TEX14: variants seen among roughly 807,000 people sequenced by gnomAD.
The protein encoded by TEX14 is inactive serine/threonine-protein kinase TEX14.
In TEX14, 168 loss-of-function variants were observed where a neutral mutation model predicts 178.6. The observed-to-expected ratio is 0.94, with a 90% CI of 0.83 to 1.07. The LOEUF (loss-of-function observed/expected upper bound fraction) is 1.07. Among genes scored for constraint, TEX14 ranks in the 50% least tolerant of loss-of-function variants. TEX14 has a pLI of 0.00. For missense variants in TEX14, 1,730 were observed against 1,753.6 expected (o/e 0.99, Z 0.24); for synonymous variants, 626 against 634.1 (o/e 0.99, Z 0.19).
chr17:58,565,552 A>AT (rs2144342368), intron 27 of TEX14, among the ~76,000 whole-genome samples, 195 bp downstream of exon 27: 1 of 152,306 alleles, frequency 6.6e-6, no homozygotes, highest in South Asian at 2.1e-4. Context: ...GACAGAAATT[A>AT]TTGTCCCCAT....
intron 1 of TEX14, among the ~76,000 whole-genome samples, chr17:58,672,072 G>A (rs1162664865): frequency 6.6e-6 from 1 of 152,156 alleles, no homozygotes; most frequent in Non-Finnish European, 1.5e-5. Context: ...AGCTCATCAG[G>A]CATTAGTTAG....
At chr17:58,587,854 C>T in intron 16 of TEX14, 42 bp downstream of exon 16, 3 of 1,160,634 alleles carry the variant, frequency 2.6e-6, no homozygotes, top group African/African-American at 1.5e-5. Context: ...CCCACCCCCA[C>T]CCCCGCTCCA....
chr17:58,557,523 G>A (rs566384645), intron 31 of TEX14, among the ~76,000 whole-genome samples: 266 of 152,100 alleles, frequency 1.7e-3, no homozygotes, highest in African/African-American at 6.1e-3. Context: ...TGCCCGCCTC[G>A]GCCTCCCAAA....
intron 29 of TEX14, among the ~76,000 whole-genome samples, chr17:58,560,100 C>G (rs6503869): frequency 0.23 from 34,517 of 152,092 alleles, 4,274 homozygotes; most frequent in South Asian, 0.33. Context: ...CCCGACCCAA[C>G]TGGAAACTCC....
At chr17:58,637,175 C>T (rs1223902680) in intron 2 of TEX14, among the ~76,000 whole-genome samples, 5 of 152,020 alleles carry the variant, frequency 3.3e-5, no homozygotes, top group Admixed American at 1.3e-4. Context: ...TTGCAGTGAG[C>T]GTGCCATTGC....
intron 1 of TEX14, among the ~76,000 whole-genome samples, chr17:58,676,513 T>C (rs1329489675): frequency 6.6e-6 from 1 of 152,036 alleles, no homozygotes; most frequent in Non-Finnish European, 1.5e-5. Context: ...TGAGCCAAGA[T>C]CATGCCATTG....
At chr17:58,585,768 T>A (rs367966794) in intron 18 of TEX14, 33 bp downstream of exon 18, 31 of 1,607,394 alleles carry the variant, frequency 1.9e-5, no homozygotes, top group Non-Finnish European at 2.6e-5. Flanking sequence ...CTTGATTGAG[T>A]TCACCTATCC....
rs774905009 is a variant in TEX14 at position 58,630,444 on chromosome 17, T to G, written c.247A>C (p.Asn83His). Reference sequence around the variant, plus strand: ...CATCAATATTATTGTACTTACTGATTTGGATCTGATCCATAATCCACCAGA... The same window carrying G: ...CATCAATATTATTGTACTTACTGATGTGGATCTGATCCATAATCCACCAGA... ...DVLVDYGSDP[N>H]HRCFDGSTPV... The change falls in exon 3 of 32, where the codon AAT (asparagine) becomes CAT (histidine). Residue 83 changes from asparagine to histidine, a missense_variant. By Grantham distance (68) the Asn-to-His change is moderately conservative (BLOSUM62 1). Around this residue, in one of 2 missense-constraint regions of TEX14, gnomAD observed 789 missense variants for 681.2 expected, o/e 1.16. Coordinates refer to ENST00000349033, the MANE Select transcript of TEX14 (RefSeq NM_031272.5). The G allele has an allele frequency of 6.2e-7, 1 of 1,605,424 alleles. No homozygotes were observed. Among genetic ancestry groups the G allele is most frequent in the Admixed American group, 1.7e-5 (1 of 59,974 alleles).
intron 26 of TEX14, chr17:58,567,628 G>A (rs1011716062): frequency 1.3e-5 from 2 of 152,108 alleles, no homozygotes; most frequent in Non-Finnish European, 2.9e-5. Context: ...CTCTTTAAGG[G>A]AAACAACAGA....
intron 15 of TEX14, among the ~76,000 whole-genome samples, chr17:58,589,099 T>TA (rs1202387485): frequency 2.6e-5 from 4 of 151,232 alleles, no homozygotes; most frequent in Non-Finnish European, 5.9e-5. Flanking sequence ...AACTCTATAC[T>TA]AAAAAAACAA....
intron 2 of TEX14, among the ~76,000 whole-genome samples, chr17:58,632,209 A>G (rs2046338108): frequency 6.6e-6 from 1 of 152,324 alleles, no homozygotes; most frequent in South Asian, 2.1e-4. Context: ...GAGAATAACC[A>G]AAGAGTGAAG....
At chr17:58,630,678 TA>T (rs548628655) in intron 2 of TEX14, 124 bp from the exon 3 acceptor site, 67 of 633,540 alleles carry the variant, frequency 1.1e-4, no homozygotes, top group African/African-American at 8.6e-4. Flanking sequence ...AGCTTTTTTT[TA>T]AAAAAAGTAC....
Position 58,569,391 on chromosome 17 carries a change from A to C in TEX14, c.3818-131T>G. ...GATGAAACAAACTAAGGAGGAAGGAAGCCTCTTACATAATAGTTCCAGTAG... is the reference window on the plus strand; with the variant it reads ...GATGAAACAAACTAAGGAGGAAGGACGCCTCTTACATAATAGTTCCAGTAG... On this transcript the variant is annotated intron_variant, in intron 25 of 31. Coordinates refer to ENST00000349033, the MANE Select transcript of TEX14 (RefSeq NM_031272.5). This position sits in a 1 kb window ranked among gnomAD's most constrained non-coding sequence, Gnocchi z 4.1. 2 of 677,408 alleles carry C rather than the reference A, an allele frequency of 3.0e-6. No individual in the cohort carries two copies. Among genetic ancestry groups the C allele is most frequent in the South Asian group, 3.6e-5 (2 of 55,158 alleles). 42.0% of individuals were successfully genotyped at this position (677,408 alleles called of 1,614,324 possible).
At chr17:58,690,098 G>A (rs910483036) in intron 1 of TEX14, among the ~76,000 whole-genome samples, 2 of 151,900 alleles carry the variant, frequency 1.3e-5, no homozygotes, top group Non-Finnish European at 2.9e-5. Flanking sequence ...ATCTGCAGAA[G>A]ATATTAATAG....
intron 1 of TEX14, among the ~76,000 whole-genome samples, chr17:58,667,623 G>C (rs778134320): frequency 1.3e-5 from 2 of 152,150 alleles, no homozygotes; most frequent in Non-Finnish European, 2.9e-5. Flanking sequence ...AGTGGCTCAC[G>C]CCTGTAATCC....
Position 58,564,743 on chromosome 17 carries a change from G to A in TEX14, c.4064+126C>T, listed in dbSNP as rs557148248. 1.6e-4 allele frequency: 84 copies of A among 510,314 alleles called. No individual in the cohort carries two copies. In the South Asian group the frequency reaches 2.9e-3, roughly 18 times the overall value. 31.6% of individuals were successfully genotyped at this position (510,314 alleles called of 1,614,324 possible). On this transcript the variant is annotated intron_variant, in intron 28 of 31. Transcript: ENST00000349033. ...AAAAAAGTAACCCTTTAGGAATAGGGGCTATTAGGATAGTATGAAAAAAGA... is the reference window on the plus strand; with the variant it reads ...AAAAAAGTAACCCTTTAGGAATAGGAGCTATTAGGATAGTATGAAAAAAGA...
intron 2 of TEX14, among the ~76,000 whole-genome samples, chr17:58,645,972 C>G (rs2046698210): frequency 6.6e-6 from 1 of 152,092 alleles, no homozygotes; most frequent in Non-Finnish European, 1.5e-5. Context: ...ATATCTAGTA[C>G]AATGTAAATA....
chr17:58,575,235 C>T (rs979643330), intron 21 of TEX14, among the ~76,000 whole-genome samples: 9 of 152,080 alleles, frequency 5.9e-5, no homozygotes, highest in Non-Finnish European at 1.3e-4. Context: ...CTGCCTCAGC[C>T]TCCCAAGTAG....
intron 3 of TEX14, among the ~76,000 whole-genome samples, chr17:58,625,671 T>C (rs1273335633): frequency 6.6e-6 from 1 of 152,210 alleles, no homozygotes; most frequent in East Asian, 1.9e-4. Context: ...GAAGTTTATT[T>C]TATTTGGTAC....
Sources: allele counts gnomAD v4.1 joint callset (sites outside exome capture counted in the v4.1 genomes callset), GRCh38; gene constraint gnomAD v4.1.1; regional missense constraint gnomAD v4.1.1; non-coding constraint Gnocchi (gnomAD v3.1); transcripts MANE v1.5; gene names NCBI Gene and HGNC (gene_info 2026-07-23, HGNC 2026-07-21).